Variants in CDH12 observed in about 807,000 individuals in gnomAD.
The protein encoded by CDH12 is cadherin 12.
In CDH12, 41 loss-of-function variants were observed where a neutral mutation model predicts 74.1. The ratio of observed to expected loss-of-function variants is 0.55; its 90% CI spans 0.43 to 0.72. The LOEUF (loss-of-function observed/expected upper bound fraction) is 0.72. CDH12 is among the 30% of genes least tolerant of loss of function. The pLI is 0.00. For missense variants in CDH12, 945 were observed against 977.2 expected (o/e 0.97, Z 0.44); for synonymous variants, 399 against 355.0 (o/e 1.12, Z -1.39).
chr5:22,803,464 A>T (rs184656986), intron 1 of CDH12, among the ~76,000 whole-genome samples: 19 of 152,220 alleles, frequency 1.2e-4, no homozygotes, highest in African/African-American at 4.6e-4. Flanking sequence ...TAAAAATACC[A>T]TTATCCTACT....
intron 6 of CDH12, among the ~76,000 whole-genome samples, chr5:21,901,063 G>C (rs1753362524): frequency 6.6e-6 from 1 of 152,178 alleles, no homozygotes; most frequent in Admixed American, 6.5e-5. Flanking sequence ...AATTCAGCCA[G>C]AGAAGAGATT....
chr5:22,727,596 C>G (rs1474013539), intron 1 of CDH12, among the ~76,000 whole-genome samples: 1 of 151,732 alleles, frequency 6.6e-6, no homozygotes. Context: ...GCAATATACT[C>G]TAGAGTTCCT....
chr5:22,126,871 G>T (rs1745898848), intron 4 of CDH12, among the ~76,000 whole-genome samples: 1 of 152,088 alleles, frequency 6.6e-6, no homozygotes, highest in South Asian at 2.1e-4. Context: ...ATCCCCAATG[G>T]CGTATAAAAA....
chr5:22,730,637 C>T (rs1744386167), intron 1 of CDH12, among the ~76,000 whole-genome samples: 2 of 151,754 alleles, frequency 1.3e-5, no homozygotes, highest in African/African-American at 2.4e-5. Flanking sequence ...TCTGTGAGAT[C>T]TGAACAGATG....
chr5:22,790,625 T>C (rs944857549), intron 1 of CDH12, among the ~76,000 whole-genome samples: 1 of 151,506 alleles, frequency 6.6e-6, no homozygotes, highest in Non-Finnish European at 1.5e-5. Context: ...ATTACAGATA[T>C]ATTATTATTT....
At chr5:22,033,108 A>G (rs1738938853) in intron 5 of CDH12, among the ~76,000 whole-genome samples, 1 of 151,768 alleles carries the variant, frequency 6.6e-6, no homozygotes, top group African/African-American at 2.4e-5. Context: ...CAAAAGAGCT[A>G]TAATTTTACA....
intron 11 of CDH12, among the ~76,000 whole-genome samples, chr5:21,782,112 G>A (rs1745949645): frequency 6.6e-6 from 1 of 152,144 alleles, no homozygotes. Context: ...CTCAAAGACA[G>A]CATCACTCAC....
At chr5:21,836,778 A>G (rs1281621540) in intron 8 of CDH12, among the ~76,000 whole-genome samples, 2 of 151,960 alleles carry the variant, frequency 1.3e-5, no homozygotes, top group African/African-American at 4.8e-5. Context: ...TTATTTTAAC[A>G]GATGGAAATC....
chr5:22,173,399 A>G (rs1276885268), intron 4 of CDH12, among the ~76,000 whole-genome samples: 5 of 80,174 alleles, frequency 6.2e-5, no homozygotes, highest in African/African-American at 1.5e-4. Context: ...ATAAATATTA[A>G]TAAATATTAA....
At chr5:22,026,278 T>G (rs1196112856) in intron 5 of CDH12, among the ~76,000 whole-genome samples, 1 of 152,160 alleles carries the variant, frequency 6.6e-6, no homozygotes, top group Non-Finnish European at 1.5e-5. Flanking sequence ...GGAAAGGAAC[T>G]GTTACAGCAG....
chr5:21,943,415 G>T (rs1561317296), intron 6 of CDH12, among the ~76,000 whole-genome samples: 2 of 151,894 alleles, frequency 1.3e-5, no homozygotes, highest in Non-Finnish European at 2.9e-5. Context: ...AGTGGACTTT[G>T]TTTTTTTCCA....
chr5:21,944,939 G>A (rs1755502814), intron 6 of CDH12, among the ~76,000 whole-genome samples: 1 of 152,060 alleles, frequency 6.6e-6, no homozygotes, highest in African/African-American at 2.4e-5. Context: ...CCATCAGGAA[G>A]ATAAACATGC....
intron 3 of CDH12, among the ~76,000 whole-genome samples, chr5:22,260,709 T>C (rs186752907): frequency 6.6e-6 from 1 of 152,098 alleles, no homozygotes; most frequent in Admixed American, 6.6e-5. Flanking sequence ...CACAGAACAA[T>C]TCTAACATCA....
At chr5:22,511,008 C>T (rs1736584383) in intron 1 of CDH12, among the ~76,000 whole-genome samples, 1 of 152,012 alleles carries the variant, frequency 6.6e-6, no homozygotes, top group Non-Finnish European at 1.5e-5. Flanking sequence ...AATTCTCCTG[C>T]CTCAGCCTCC....
At chr5:22,176,920 C>T (rs1024511015) in intron 4 of CDH12, among the ~76,000 whole-genome samples, 4 of 152,082 alleles carry the variant, frequency 2.6e-5, no homozygotes, top group Non-Finnish European at 5.9e-5. Context: ...TCATGCTTTG[C>T]CTCTTTGCTC....
chr5:22,484,506 C>T (rs1441060289), intron 2 of CDH12, among the ~76,000 whole-genome samples: 1 of 152,184 alleles, frequency 6.6e-6, no homozygotes, highest in Non-Finnish European at 1.5e-5. Context: ...GAGAATTGTG[C>T]AGCCAGTAAA....
intron 5 of CDH12, among the ~76,000 whole-genome samples, chr5:22,031,995 C>T (rs554848444): frequency 6.6e-6 from 1 of 151,682 alleles, no homozygotes; most frequent in South Asian, 2.1e-4. Flanking sequence ...TTGCCACAAA[C>T]CTTCAATTTA....
intron 4 of CDH12, among the ~76,000 whole-genome samples, chr5:22,188,610 A>G (rs866366995): frequency 6.6e-6 from 1 of 151,952 alleles, no homozygotes; most frequent in Non-Finnish European, 1.5e-5. Flanking sequence ...ACCTACCTAC[A>G]CCATTTCTAC....
chr5:21,926,964 A>T (rs1451508469), intron 6 of CDH12, among the ~76,000 whole-genome samples: 1 of 152,190 alleles, frequency 6.6e-6, no homozygotes. Flanking sequence ...AACGTTTTTA[A>T]GATTTTCTAG....
Sources: allele counts gnomAD v4.1 joint callset (sites outside exome capture counted in the v4.1 genomes callset), GRCh38; gene constraint gnomAD v4.1.1; transcripts MANE v1.5; gene names NCBI Gene and HGNC (gene_info 2026-07-23, HGNC 2026-07-21).